RAB27A: variants seen among roughly 807,000 people sequenced by gnomAD.
The protein encoded by RAB27A is RAB27A, member RAS oncogene family.
A neutral mutation model predicts 20.8 loss-of-function variants in RAB27A; 17 were observed. That is an observed-to-expected ratio of 0.82 (90% CI 0.56 to 1.23). The LOEUF (loss-of-function observed/expected upper bound fraction) is 1.23, where lower values mean the gene tolerates loss of function less well. Ranked by LOEUF, RAB27A falls within the 50% of genes most tolerant of loss-of-function variation. The pLI, the probability that RAB27A is intolerant of heterozygous loss-of-function variation, is 0.00. For missense variants in RAB27A, 277 were observed against 266.7 expected (o/e 1.04, Z -0.27); for synonymous variants, 85 against 92.8 (o/e 0.92, Z 0.48).
intron 6 of RAB27A, among the ~76,000 whole-genome samples, chr15:55,212,622 C>A (rs867824854): frequency 6.6e-6 from 1 of 151,954 alleles, no homozygotes; most frequent in African/African-American, 2.4e-5. Context: ...CTCCGCCTCC[C>A]GGGCTCACGC....
At chr15:55,281,938 C>G (rs1263266448) in intron 1 of RAB27A, among the ~76,000 whole-genome samples, 1 of 151,978 alleles carries the variant, frequency 6.6e-6, no homozygotes, top group Non-Finnish European at 1.5e-5. Context: ...GTGTGAGTTC[C>G]TTTTTTGGGA....
At chr15:55,304,474 A>G (rs1007833963) in intron 2 of RAB27A, among the ~76,000 whole-genome samples, 3 of 107,032 alleles carry the variant, frequency 2.8e-5, no homozygotes, top group Non-Finnish European at 5.0e-5. Context: ...AAATAAATTT[A>G]AAAAAAAGAA....
intron 2 of RAB27A, among the ~76,000 whole-genome samples, chr15:55,308,035 C>T (rs2055005588): frequency 2.0e-5 from 3 of 152,112 alleles, no homozygotes; most frequent in East Asian, 1.9e-4. Flanking sequence ...TCGTGAGGTT[C>T]CCCATTCTAT....
intron 3 of RAB27A, among the ~76,000 whole-genome samples, chr15:55,233,117 C>T (rs1315524240): frequency 1.3e-5 from 2 of 151,638 alleles, no homozygotes; most frequent in African/African-American, 2.4e-5. Flanking sequence ...AGAGAGAGAC[C>T]CTGTCTCAAA....
chr15:55,253,980 CA>C lies in RAB27A; in HGVS notation c.-23+16184del, dbSNP rs561695062. ...ATGTTTGAGTGTTCAGGGGAAATCA[CA>C]AAAACAAGTAACAGTACACTTAATT... is the stretch of plus-strand genomic sequence containing the variant. On this transcript the variant is annotated intron_variant, in intron 2 of 6. Transcript: ENST00000336787. Among the ~76,000 whole-genome samples the C allele has an allele frequency of 3.4e-3, 522 of 152,138 alleles. 2 individuals are homozygous for C. The highest frequency in any genetic ancestry group is 4.9e-3 in the Non-Finnish European group (335 of 67,984).
At chr15:55,225,226 C>T (rs1895750765) in intron 5 of RAB27A, among the ~76,000 whole-genome samples, 2 of 152,158 alleles carry the variant, frequency 1.3e-5, no homozygotes, top group Admixed American at 1.3e-4. Context: ...TGTTATAGGT[C>T]CATGCCCAGT....
intron 1 of RAB27A, chr15:55,289,391 T>G (rs1044993780): frequency 1.3e-5 from 2 of 151,500 alleles, no homozygotes; most frequent in East Asian, 3.9e-4. Context: ...GTGCGGGAGG[T>G]CGGGGACTTT....
intron 2 of RAB27A, among the ~76,000 whole-genome samples, chr15:55,296,441 A>C (rs1355205623): frequency 6.6e-6 from 1 of 152,008 alleles, no homozygotes; most frequent in Non-Finnish European, 1.5e-5. Flanking sequence ...GGTTCCAGTG[A>C]GCCTAGATGC....
intron 2 of RAB27A, among the ~76,000 whole-genome samples, chr15:55,259,567 G>A (rs998745439): frequency 6.6e-6 from 1 of 150,614 alleles, no homozygotes; most frequent in South Asian, 2.1e-4. Context: ...GATTACAGGT[G>A]TGAGCCACCA....
intron 5 of RAB27A, among the ~76,000 whole-genome samples, chr15:55,226,301 C>T (rs866634978): frequency 6.6e-5 from 10 of 152,118 alleles, no homozygotes; most frequent in African/African-American, 2.2e-4. Context: ...TCTGTCTCCT[C>T]ATCTGAGTGG....
intron 2 of RAB27A, chr15:55,269,661 A>G (rs1897639904): frequency 6.6e-6 from 1 of 152,186 alleles, no homozygotes; most frequent in African/African-American, 2.4e-5. Context: ...GAATCACTTG[A>G]TCCTGGGAGG....
chr15:55,302,916 G>C (rs1219616821), intron 2 of RAB27A, among the ~76,000 whole-genome samples: 1 of 139,102 alleles, frequency 7.2e-6, no homozygotes, highest in Non-Finnish European at 1.5e-5. Flanking sequence ...CTCTCCGCCC[G>C]GCAGCCACCC....
intron 2 of RAB27A, among the ~76,000 whole-genome samples, chr15:55,241,160 C>CA (rs1211200958): frequency 6.6e-6 from 1 of 152,018 alleles, no homozygotes; most frequent in Non-Finnish European, 1.5e-5. Flanking sequence ...GCCCCTAAAC[C>CA]AAAAATTAAT....
chr15:55,292,302 T>A (rs1211811689), upstream of RAB27A, among the ~76,000 whole-genome samples: 2 of 152,206 alleles, frequency 1.3e-5, no homozygotes, highest in African/African-American at 4.8e-5. Flanking sequence ...GTATTACAGA[T>A]GAGGAAACTG....
At chr15:55,241,432 C>A (rs750207117) in intron 2 of RAB27A, among the ~76,000 whole-genome samples, 2 of 151,776 alleles carry the variant, frequency 1.3e-5, no homozygotes, top group African/African-American at 2.4e-5. Context: ...ATTTCCTCAA[C>A]ATGTACTATG....
chr15:55,231,509 T>C (rs767143350), intron 3 of RAB27A, among the ~76,000 whole-genome samples: 4 of 152,218 alleles, frequency 2.6e-5, no homozygotes, highest in Admixed American at 6.5e-5. Flanking sequence ...GGAGCATTTA[T>C]TCAAGAAAAA....
chr15:55,311,832 G>A (rs1045199662), intron 2 of RAB27A, among the ~76,000 whole-genome samples: 4 of 152,110 alleles, frequency 2.6e-5, no homozygotes, highest in Non-Finnish European at 5.9e-5. Context: ...CTGCCTTGGG[G>A]GGAACGTTTC....
intron 2 of RAB27A, among the ~76,000 whole-genome samples, chr15:55,311,755 C>T (rs968384408): frequency 1.3e-5 from 2 of 152,120 alleles, no homozygotes; most frequent in African/African-American, 4.8e-5. Flanking sequence ...GAATATAAGT[C>T]GTTTATTTCT....
At chr15:55,304,482 G>A (rs7172486) in intron 2 of RAB27A, among the ~76,000 whole-genome samples, 6 of 148,834 alleles carry the variant, frequency 4.0e-5, no homozygotes, top group Non-Finnish European at 4.5e-5. Context: ...TTAAAAAAAA[G>A]AAAAAAAAAA....
Sources: gnomAD v4.1 joint callset for allele counts (sites outside exome capture counted in the v4.1 genomes callset) on GRCh38, gnomAD v4.1.1 for gene constraint, MANE v1.5 for transcripts, NCBI Gene and HGNC (gene_info 2026-07-23, HGNC 2026-07-21) for gene names.